The following CYP46A1 variants were observed in gnomAD, a reference collection of about 807,000 sequenced individuals.
CYP46A1 encodes the protein cholesterol 24-hydroxylase.
Under a neutral mutation model 63.3 loss-of-function variants are expected in CYP46A1, and 20 were observed. That is an observed-to-expected ratio of 0.32 (90% CI 0.22 to 0.46). The LOEUF (loss-of-function observed/expected upper bound fraction) is 0.46. CYP46A1 is among the 20% of genes least tolerant of loss of function. The probability of loss-of-function intolerance (pLI) is 1.00; values close to 1 mark genes in which losing one functional copy is unlikely to be tolerated. For synonymous variants in CYP46A1, 268 were observed against 273.6 expected, an observed-to-expected ratio of 0.98 and a Z score of 0.20; for missense variants, 445 against 670.8, an observed-to-expected ratio of 0.66 and a Z score of 3.72.
intron 5 of CYP46A1, among the ~76,000 whole-genome samples, chr14:99,702,069 C>CAAAA (rs71113217): frequency 1.1e-4 from 8 of 70,738 alleles, no homozygotes; most frequent in African/African-American, 3.4e-4. Flanking sequence ...GACTCCATCT[C>CAAAA]AAAAAAAAAA....
intron 3 of CYP46A1, among the ~76,000 whole-genome samples, chr14:99,692,767 T>C (rs2056554806): frequency 6.6e-6 from 1 of 151,738 alleles, no homozygotes; most frequent in Admixed American, 6.6e-5. Flanking sequence ...GAGGCAGAAG[T>C]TGCAGTGAGC....
At position 99,691,284 on chromosome 14, in the gene CYP46A1, AG is replaced by A. The variant is rs2056540910; in HGVS notation, c.200+124del. On this transcript the variant is annotated intron_variant, in intron 2 of 14. Transcript: ENST00000261835. ...CCTAGCCCAGGTTACTCCCAGCCCC[AG>A]CAGTTCCTCCCCTGAGTGGAGGCAG... The A allele has an allele frequency of 6.3e-6, 6 of 950,624 alleles. No homozygotes were observed. The African/African-American group carries it at 6.5e-5, about 10-fold the overall frequency. The allele number at this position is 950,624 out of a possible 1,614,324, so 58.9% of individuals were successfully genotyped here. A position where few individuals can be genotyped will look rare whatever the true frequency, so the allele number is the denominator to read the frequency against.
rs2056850979 is a variant in CYP46A1 at position 99,721,929 on chromosome 14, T to C, written c.1066-27T>C. The C allele has an allele frequency of 2.5e-6, 4 of 1,584,188 alleles. No individual in the cohort carries two copies. In the East Asian group the frequency reaches 9.0e-5, roughly 36 times the overall value. Reference sequence around the variant, plus strand: ...ATCTGTGGCCTCTCCCGACTCTCCTTGTTATCTCCCCTTGTGGCTTCTCTA... The same window carrying C: ...ATCTGTGGCCTCTCCCGACTCTCCTCGTTATCTCCCCTTGTGGCTTCTCTA... On this transcript the variant is annotated intron_variant, in intron 11 of 14. Transcript: ENST00000261835.
At chr14:99,706,965 G>A (rs1034156448) in intron 6 of CYP46A1, among the ~76,000 whole-genome samples, 180 bp downstream of exon 6, 3 of 152,220 alleles carry the variant, frequency 2.0e-5, no homozygotes, top group Admixed American at 6.5e-5. Context: ...GCAACCTAGT[G>A]TGAGATTGGG....
intron 1 of CYP46A1, among the ~76,000 whole-genome samples, chr14:99,687,465 C>G (rs1429156496): frequency 6.6e-6 from 1 of 152,186 alleles, no homozygotes; most frequent in Non-Finnish European, 1.5e-5. Context: ...ACAGCTGGCT[C>G]TGGCGGGTGG....
At chr14:99,699,594 G>A in intron 4 of CYP46A1, 55 bp downstream of exon 4, 2 of 1,569,718 alleles carry the variant, frequency 1.3e-6, no homozygotes, top group Non-Finnish European at 1.8e-6. Flanking sequence ...CCTGCTGTGA[G>A]TGAGGGCCAG....
chr14:99,726,375 C>A (rs547128978), intron 14 of CYP46A1, 119 bp downstream of exon 14: 453 of 1,224,804 alleles, frequency 3.7e-4, no homozygotes, highest in Non-Finnish European at 4.7e-4. Flanking sequence ...GGCTCGGGAC[C>A]CAGCGGAGCC....
chr14:99,719,573 G>A (rs1038847356), intron 10 of CYP46A1, among the ~76,000 whole-genome samples: 30 of 151,472 alleles, frequency 2.0e-4, no homozygotes, highest in African/African-American at 4.9e-4. Flanking sequence ...GTCCGTTCTC[G>A]CCTCCCCATC....
At position 99,684,535 on chromosome 14, in the gene CYP46A1, A is replaced by G; in HGVS notation, c.118A>G (p.Ser40Gly). ...GCACATCCCCGGGCCGCCGCGGCCC[A>G]GGTGAGCGGGGCTGGGGGCGGGGCC... Reference protein sequence around the residue: ...YEHIPGPPRPSFLLGHLPCFW... With the variant: ...YEHIPGPPRPGFLLGHLPCFW... Residue 40 changes from serine (S) to glycine (G), a missense_variant and splice_region_variant, in exon 1 of 15, where the codon AGT becomes GGT. Ser to Gly is a moderately conservative substitution (Grantham distance 56). This residue lies in a region of CYP46A1 where 252 missense variants were observed against 383.3 expected (regional missense o/e 0.66). Coordinates refer to ENST00000261835, the MANE Select transcript of CYP46A1 (RefSeq NM_006668.2). 6.9e-7 allele frequency: 1 copy of G among 1,458,864 alleles called. No homozygotes were observed. Among genetic ancestry groups the G allele is most frequent in the Non-Finnish European group, 9.0e-7 (1 of 1,109,330 alleles). The allele number at this position is 1,458,864 out of a possible 1,614,324, so 90.4% of individuals were successfully genotyped here.
intron 7 of CYP46A1, chr14:99,711,800 TACCACAA>T (rs1243044294): frequency 1.3e-5 from 2 of 152,082 alleles, no homozygotes; most frequent in East Asian, 3.8e-4. Context: ...CCTACCCTGA[TACCACAA>T]ACAGACAAGG....
chr14:99,686,864 T>C (rs559872560), intron 1 of CYP46A1, among the ~76,000 whole-genome samples: 53 of 152,176 alleles, frequency 3.5e-4, no homozygotes, highest in Non-Finnish European at 6.9e-4. Context: ...TAAAAATTGG[T>C]TAGTGGTCAA....
intron 5 of CYP46A1, among the ~76,000 whole-genome samples, chr14:99,704,834 T>C (rs2056661658): frequency 1.3e-5 from 2 of 152,164 alleles, no homozygotes; most frequent in Non-Finnish European, 2.9e-5. Context: ...AAGCGGCCTT[T>C]GAGTGTCCAT....
chr14:99,718,118 C>G lies in CYP46A1; in HGVS notation c.972C>G (p.Ile324Met). Reference sequence around the variant, plus strand: ...TGGAGCTGTCTCGCCAGCCAGAGATCGTGGCAAGGTATGGGGGCTGCTCTT... The same window carrying G: ...TGGAGCTGTCTCGCCAGCCAGAGATGGTGGCAAGGTATGGGGGCTGCTCTT... The part of the protein sequence containing the change: ...TVMELSRQPE[I>M]VARLQAEVDE... The change falls in exon 10 of 15, where the codon ATC becomes ATG. Residue 324 changes from isoleucine to methionine, a missense_variant. By Grantham distance (10) the Ile-to-Met change is conservative. Around this residue, in one of 4 missense-constraint regions of CYP46A1, gnomAD observed 95 missense variants for 156.9 expected, o/e 0.61. Coordinates refer to ENST00000261835, the MANE Select transcript of CYP46A1 (RefSeq NM_006668.2). 6.2e-7 allele frequency: 1 copy of G among 1,614,084 alleles called. No homozygotes were observed. Among genetic ancestry groups the G allele is most frequent in the Non-Finnish European group, 8.5e-7 (1 of 1,179,936 alleles).
chr14:99,695,130 AT>A (rs1434631517), intron 3 of CYP46A1, among the ~76,000 whole-genome samples: 1 of 152,198 alleles, frequency 6.6e-6, no homozygotes, highest in Non-Finnish European at 1.5e-5. Flanking sequence ...TTCTAATTTA[AT>A]TCTGTAAAGT....
At chr14:99,691,213 G>A in intron 2 of CYP46A1, 52 bp downstream of exon 2, 1 of 1,579,402 alleles carries the variant, frequency 6.3e-7, no homozygotes. Context: ...CCTTGGGGCA[G>A]CTCCCCCAAC....
rs1011280584 is a variant in CYP46A1 at position 99,701,053 on chromosome 14, G to A, written c.443+952G>A. 4.6e-5 allele frequency among the ~76,000 whole-genome samples: 7 copies of A among 152,248 alleles called. No individual in the cohort carries two copies. The South Asian group carries it at 1.2e-3, about 27-fold the overall frequency. On this transcript the variant is annotated intron_variant, in intron 5 of 14. Transcript: ENST00000261835. ...TTAATAAAAAAGCTTATAGAATAAG[G>A]ATACAAATAAGATAATATTTTTGTA...
chr14:99,726,216 C>T lies in CYP46A1; in HGVS notation c.1292C>T (p.Ser431Phe). The change falls in exon 14 of 15, where the codon TCC becomes TTC. Residue 431 changes from serine (S) to phenylalanine (F), a missense_variant. Ser to Phe is a radical substitution (Grantham distance 155, BLOSUM62 -2). Around this residue, in one of 4 missense-constraint regions of CYP46A1, gnomAD observed 95 missense variants for 156.9 expected, o/e 0.61. Transcript: ENST00000261835. Reference sequence around the variant, plus strand: ...CCACGGTTCACCTACTTCCCCTTCTCCCTGGGCCACCGCTCCTGCATCGGG... The same window carrying T: ...CCACGGTTCACCTACTTCCCCTTCTTCCTGGGCCACCGCTCCTGCATCGGG... Reference protein sequence around the residue: ...PKPRFTYFPFSLGHRSCIGQQ... With the variant: ...PKPRFTYFPFFLGHRSCIGQQ... 6.2e-7 allele frequency: 1 copy of T among 1,613,980 alleles called. No individual in the cohort carries two copies. Among genetic ancestry groups the T allele is most frequent in the Non-Finnish European group, 8.5e-7 (1 of 1,179,994 alleles).
intron 6 of CYP46A1, among the ~76,000 whole-genome samples, chr14:99,707,065 C>T (rs2056683660): frequency 1.3e-5 from 2 of 152,176 alleles, no homozygotes; most frequent in African/African-American, 4.8e-5. Flanking sequence ...TCAGGTCTGC[C>T]TGACTCTCAG....
chr14:99,691,220 C>T (rs1478872914), intron 2 of CYP46A1, 59 bp downstream of exon 2: 137 of 1,535,532 alleles, frequency 8.9e-5, no homozygotes, highest in Non-Finnish European at 2.5e-5. Flanking sequence ...GCAGCTCCCC[C>T]AACCCAATCC....
Sources: gnomAD v4.1 joint callset for allele counts (sites outside exome capture counted in the v4.1 genomes callset) on GRCh38, gnomAD v4.1.1 for gene constraint, gnomAD v4.1.1 regional missense constraint, MANE v1.5 for transcripts, NCBI Gene and HGNC (gene_info 2026-07-23, HGNC 2026-07-21) for gene names.